DSE: variants seen among roughly 807,000 people sequenced by gnomAD.
The protein encoded by DSE is dermatan-sulfate epimerase.
Under a neutral mutation model 84.4 loss-of-function variants are expected in DSE, and 36 were observed. The observed-to-expected ratio is 0.43, with a 90% CI of 0.33 to 0.56. The LOEUF (loss-of-function observed/expected upper bound fraction) is 0.56. Ranked by LOEUF, DSE falls within the 20% of genes least tolerant of loss-of-function variation. The pLI is 0.06. For missense variants in DSE, 862 were observed against 1,169.6 expected (o/e 0.74, Z 3.84); for synonymous variants, 410 against 430.1 (o/e 0.95, Z 0.58).
chr6:116,280,693 A>G (rs910465262), intron 2 of DSE, among the ~76,000 whole-genome samples: 4 of 152,218 alleles, frequency 2.6e-5, no homozygotes, highest in Non-Finnish European at 2.9e-5. Flanking sequence ...GGGGATGTCA[A>G]TGTCTCTGGT....
chr6:116,378,114 G>A (rs185172233), intron 1 of DSE, among the ~76,000 whole-genome samples: 75 of 152,266 alleles, frequency 4.9e-4, no homozygotes, highest in Admixed American at 3.5e-3. Context: ...GAAAGGGAAC[G>A]TTGAACAGCT....
At chr6:116,279,663 G>C in intron 2 of DSE, 1 of 1,607,224 alleles carries the variant, frequency 6.2e-7, no homozygotes, top group Non-Finnish European at 8.5e-7. Flanking sequence ...GGAGCGCGAC[G>C]GTCTCCGAGC....
intron 2 of DSE, among the ~76,000 whole-genome samples, chr6:116,312,503 G>A (rs1775748188): frequency 6.6e-6 from 1 of 152,160 alleles, no homozygotes; most frequent in South Asian, 2.1e-4. Context: ...TTGCAGCAGT[G>A]AGCAGTTGGT....
chr6:116,421,546 C>T (rs1285469779), intron 2 of DSE, among the ~76,000 whole-genome samples: 1 of 138,348 alleles, frequency 7.2e-6, no homozygotes, highest in East Asian at 2.2e-4. Context: ...GCAGTCATAG[C>T]TCACTGCAGC....
chr6:116,374,303 TAAAA>T (rs1167775345), intron 1 of DSE, among the ~76,000 whole-genome samples: 1 of 152,066 alleles, frequency 6.6e-6, no homozygotes, highest in African/African-American at 2.4e-5. Flanking sequence ...CTTCCCCAAA[TAAAA>T]AAAGAGAAAT....
intron 2 of DSE, among the ~76,000 whole-genome samples, chr6:116,321,441 C>T (rs1391933698): frequency 6.6e-6 from 1 of 151,586 alleles, no homozygotes; most frequent in East Asian, 1.9e-4. Context: ...CCCAAAGCAC[C>T]GAGATTTGAC....
rs1357496121 is a variant in DSE, at chr6:116,421,463, A to ATATT, written c.417-5110_417-5109insATTT. Among the ~76,000 whole-genome samples the ATATT allele has an allele frequency of 2.4e-4, 15 of 61,344 alleles. 1 individual carries two copies. Among genetic ancestry groups the ATATT allele is most frequent in the African/African-American group, 2.8e-4 (3 of 10,770 alleles). 40.2% of individuals were successfully genotyped at this position (61,344 alleles called of 152,430 possible). ...TATACATATATATATATATATATAT[A>ATATT]TTTTTTTTTTTTTTTTTTTTTTTTT... On this transcript the variant is annotated intron_variant, in intron 2 of 5. Transcript: ENST00000644252.
At chr6:116,374,039 T>G (rs1779772626) in intron 1 of DSE, among the ~76,000 whole-genome samples, 1 of 152,242 alleles carries the variant, frequency 6.6e-6, no homozygotes, top group Non-Finnish European at 1.5e-5. Context: ...ATTTTGTGGT[T>G]GTAGCATATA....
intron 2 of DSE, among the ~76,000 whole-genome samples, chr6:116,410,076 A>C (rs1782213114): frequency 2.0e-5 from 3 of 152,212 alleles, no homozygotes. Flanking sequence ...AAGTACTGTG[A>C]AGCCACTGAA....
At chr6:116,417,892 C>A (rs1419748925) in intron 2 of DSE, among the ~76,000 whole-genome samples, 4 of 152,082 alleles carry the variant, frequency 2.6e-5, no homozygotes, top group Non-Finnish European at 4.4e-5. Flanking sequence ...ACTAAAGTGG[C>A]AAGGATAAGT....
intron 2 of DSE, among the ~76,000 whole-genome samples, chr6:116,283,746 G>A (rs1421658129): frequency 6.6e-6 from 1 of 152,056 alleles, no homozygotes; most frequent in African/African-American, 2.4e-5. Context: ...GTTTCCCCAC[G>A]TTGGTCAGGC....
intron 1 of DSE, among the ~76,000 whole-genome samples, chr6:116,394,397 G>A (rs1209972503): frequency 6.6e-6 from 1 of 152,004 alleles, no homozygotes; most frequent in Non-Finnish European, 1.5e-5. Context: ...CAGGCAGAGA[G>A]ATGATCAAAT....
At chr6:116,305,053 G>C (rs1775261400) in intron 2 of DSE, among the ~76,000 whole-genome samples, 2 of 151,716 alleles carry the variant, frequency 1.3e-5, no homozygotes. Context: ...CTTCAACCTA[G>C]AATCAAACAA....
exon 2 of DSE, chr6:116,258,935 A>G: frequency 6.4e-7 from 1 of 1,552,744 alleles, no homozygotes; most frequent in Non-Finnish European, 8.9e-7. Flanking sequence ...GCTTTGTGGA[A>G]GCATTTGGCG....
intron 2 of DSE, among the ~76,000 whole-genome samples, chr6:116,302,049 A>G (rs925622282): frequency 4.6e-5 from 7 of 152,068 alleles, no homozygotes; most frequent in Non-Finnish European, 8.8e-5. Flanking sequence ...TGGGCATTTG[A>G]GTTGGTTCCA....
At chr6:116,378,936 G>T (rs1780075468) in intron 1 of DSE, among the ~76,000 whole-genome samples, 1 of 151,996 alleles carries the variant, frequency 6.6e-6, no homozygotes, top group Admixed American at 6.6e-5. Flanking sequence ...TATGGGTGTT[G>T]CCCATGTAGG....
rs1294073352 is a variant in DSE at position 116,410,550 on chromosome 6, G to A, written c.416+10884G>A. On this transcript the variant is annotated intron_variant, in intron 2 of 5. Coordinates refer to ENST00000644252, the MANE Select transcript of DSE (RefSeq NM_013352.4). ...AGATCGAGACCATCATGGCTAACAC[G>A]GTGAAACCCTGTCTCTACTAAAAAT... is the stretch of plus-strand genomic sequence containing the variant. Among the ~76,000 whole-genome samples, 6 of 151,868 alleles carry A rather than the reference G, an allele frequency of 4.0e-5. No homozygotes were observed. In the East Asian group the frequency reaches 5.8e-4, roughly 15 times the overall value.
chr6:116,426,839 C>T lies in DSE; in HGVS notation c.670+12C>T, dbSNP rs190922886. The T allele has an allele frequency of 1.7e-5, 28 of 1,604,358 alleles. No individual in the cohort carries two copies. The African/African-American group carries it at 2.9e-4, about 17-fold the overall frequency. On this transcript the variant is annotated intron_variant, in intron 3 of 5. Transcript: ENST00000644252. The stretch of plus-strand genomic sequence containing the variant: ...CCTGATGAATCAAGGTGGGTGTGGA[C>T]ACAGCCAAGGTGATGCCTGAGCTGA...
intron 2 of DSE, among the ~76,000 whole-genome samples, chr6:116,314,531 A>G (rs1185637458): frequency 1.3e-5 from 2 of 152,098 alleles, no homozygotes; most frequent in African/African-American, 4.8e-5. Flanking sequence ...AAATGTCTTC[A>G]TTTTTGCTTT....
Sources: allele counts gnomAD v4.1 joint callset (sites outside exome capture counted in the v4.1 genomes callset), GRCh38; gene constraint gnomAD v4.1.1; transcripts MANE v1.5; gene names NCBI Gene and HGNC (gene_info 2026-07-23, HGNC 2026-07-21).